Variants in FRMPD4 observed in about 807,000 individuals in gnomAD.
FRMPD4 encodes FERM and PDZ domain containing 4.
In FRMPD4, 22 loss-of-function variants were observed where a neutral mutation model predicts 94.1. That is an observed-to-expected ratio of 0.23 (90% CI 0.17 to 0.33). The LOEUF (loss-of-function observed/expected upper bound fraction) is 0.33, where lower values mean the gene tolerates loss of function less well. Among genes scored for constraint, FRMPD4 ranks in the 10% least tolerant of loss-of-function variants. The pLI, the probability that FRMPD4 is intolerant of heterozygous loss-of-function variation, is 1.00. For missense variants in FRMPD4, 1,111 were observed against 1,339.9 expected (o/e 0.83, Z 2.67); for synonymous variants, 631 against 548.6 (o/e 1.15, Z -2.10).
chrX:12,053,426 GAAAGA>G (rs2054835218), intron 3 of FRMPD4, among the ~76,000 whole-genome samples: 2 of 93,144 alleles, frequency 2.1e-5, no homozygotes, highest in African/African-American at 7.9e-5. Context: ...AAGAAAGAAA[GAAAGA>G]GAAAGAAAGA....
At chrX:12,293,626 C>T (rs2054723141) in intron 1 of FRMPD4, among the ~76,000 whole-genome samples, 1 of 112,218 alleles carries the variant, frequency 8.9e-6, no homozygotes. Context: ...TGCAAGTCAG[C>T]CTGTGCTTTT....
At chrX:12,556,904 G>T (rs150270807) in intron 2 of FRMPD4, among the ~76,000 whole-genome samples, 1,652 of 111,831 alleles carry the variant, frequency 0.015, 31 homozygotes, top group African/African-American at 0.051. Flanking sequence ...GAGTACAGTG[G>T]CGTGATCATG....
At chrX:12,252,445 A>G (rs1309961939) in intron 1 of FRMPD4, among the ~76,000 whole-genome samples, 1 of 112,382 alleles carries the variant, frequency 8.9e-6, no homozygotes, top group Non-Finnish European at 1.9e-5. Flanking sequence ...TATGTCCTCA[A>G]CCATTCTTTG....
chrX:12,493,611 G>T (rs1389851681), intron 1 of FRMPD4, among the ~76,000 whole-genome samples: 1 of 112,126 alleles, frequency 8.9e-6, no homozygotes, highest in East Asian at 2.8e-4. Context: ...GTGGCACAGT[G>T]TAAGTAATAT....
chrX:11,992,878 G>A (rs1442429334), intron 3 of FRMPD4, among the ~76,000 whole-genome samples: 1 of 109,565 alleles, frequency 9.1e-6, no homozygotes, highest in Non-Finnish European at 1.9e-5. Flanking sequence ...GGGATTCAGG[G>A]TGATGAAAAG....
At chrX:12,712,745 G>A (rs934416285) in intron 14 of FRMPD4, among the ~76,000 whole-genome samples, 5 of 111,638 alleles carry the variant, frequency 4.5e-5, no homozygotes, top group Admixed American at 2.8e-4. Context: ...TTTTCATTGA[G>A]CTAGGAGATT....
chrX:12,278,808 C>T (rs1387437419), intron 1 of FRMPD4, among the ~76,000 whole-genome samples: 1 of 111,764 alleles, frequency 8.9e-6, no homozygotes, highest in Admixed American at 9.5e-5. Flanking sequence ...AGTACATACC[C>T]CAGCTCCCTC....
intron 1 of FRMPD4, among the ~76,000 whole-genome samples, chrX:12,239,589 G>A (rs1293345328): frequency 8.9e-6 from 1 of 112,377 alleles, no homozygotes; most frequent in Non-Finnish European, 1.9e-5. Context: ...CAGCAACTCA[G>A]GATCTTTCAG....
chrX:11,852,764 C>T (rs1601805790), intron 1 of FRMPD4, among the ~76,000 whole-genome samples: 1 of 111,645 alleles, frequency 9.0e-6, no homozygotes, highest in African/African-American at 3.3e-5. Flanking sequence ...AAAGCAAGCT[C>T]TTAGAGACCT....
chrX:12,696,586 C>CAAAAAAA (rs57877846), intron 9 of FRMPD4, among the ~76,000 whole-genome samples: 7 of 30,052 alleles, frequency 2.3e-4, no homozygotes, highest in Middle Eastern at 0.026. Flanking sequence ...AAAAATGAAG[C>CAAAAAAA]AAAAAAAAAA....
Position 12,331,806 on chromosome X carries a change from T to TA in FRMPD4, c.42-166873dup, listed in dbSNP as rs1346665324. ...ATTTATATACTGTATATAAATTATA[T>TA]ATATTTATATACTATATATAAATTA... On this transcript the variant is annotated intron_variant, in intron 1 of 16. Transcript: ENST00000675598. Among the ~76,000 whole-genome samples the TA allele has an allele frequency of 3.8e-4, 15 of 39,756 alleles. 3 individuals are homozygous for TA. Among genetic ancestry groups the TA allele is most frequent in the African/African-American group, 1.6e-3 (14 of 8,968 alleles). The allele number at this position is 39,756 out of a possible 115,157, so 34.5% of individuals were successfully genotyped here.
chrX:12,216,979 G>A (rs1156696369), intron 1 of FRMPD4, among the ~76,000 whole-genome samples: 1 of 111,740 alleles, frequency 8.9e-6, no homozygotes, highest in Non-Finnish European at 1.9e-5. Context: ...CTTCATTACC[G>A]CTTTCTGCCG....
At chrX:12,171,801 G>A (rs1294400343) in intron 1 of FRMPD4, among the ~76,000 whole-genome samples, 1 of 111,689 alleles carries the variant, frequency 9.0e-6, no homozygotes, top group Non-Finnish European at 1.9e-5. Context: ...TCATATCAAC[G>A]GCTACCAGAG....
At chrX:12,448,362 C>T (rs1434932085) in intron 1 of FRMPD4, among the ~76,000 whole-genome samples, 2 of 111,645 alleles carry the variant, frequency 1.8e-5, no homozygotes, top group Non-Finnish European at 3.8e-5. Context: ...AAAACAAAAA[C>T]CAAAAACAAA....
intron 1 of FRMPD4, among the ~76,000 whole-genome samples, chrX:12,454,162 A>G (rs2057305210): frequency 8.9e-6 from 1 of 112,300 alleles, no homozygotes; most frequent in African/African-American, 3.2e-5. Context: ...ATAAGTTTCT[A>G]TGTGAATATT....
chrX:12,172,926 C>A (rs749037723), intron 1 of FRMPD4, among the ~76,000 whole-genome samples: 1 of 112,768 alleles, frequency 8.9e-6, no homozygotes, highest in South Asian at 3.7e-4. Context: ...TCAAACATCC[C>A]CTTGCTAATT....
chrX:12,311,679 A>G (rs1048379837), intron 1 of FRMPD4, among the ~76,000 whole-genome samples: 2 of 110,330 alleles, frequency 1.8e-5, no homozygotes, highest in Non-Finnish European at 3.8e-5. Context: ...TGTTGATTAT[A>G]TTATTCTAGG....
chrX:12,085,192 T>G (rs2055097371), intron 3 of FRMPD4, among the ~76,000 whole-genome samples: 1 of 112,046 alleles, frequency 8.9e-6, no homozygotes, highest in Non-Finnish European at 1.9e-5. Flanking sequence ...ATTAAAGTCT[T>G]CATGTGGATC....
intron 1 of FRMPD4, among the ~76,000 whole-genome samples, chrX:12,359,707 A>T (rs750429580): frequency 1.8e-5 from 2 of 111,504 alleles, no homozygotes; most frequent in African/African-American, 6.5e-5. Context: ...CGACCTCATG[A>T]TCCACCCGCC....
Sources: gnomAD v4.1 joint callset for allele counts (sites outside exome capture counted in the v4.1 genomes callset) on GRCh38, gnomAD v4.1.1 for gene constraint, MANE v1.5 for transcripts, NCBI Gene and HGNC (gene_info 2026-07-23, HGNC 2026-07-21) for gene names.